RNGTT: variants seen among roughly 807,000 people sequenced by gnomAD.
RNGTT encodes the protein RNA guanylyltransferase and 5'-phosphatase, also known as mRNA-capping enzyme.
A neutral mutation model predicts 79.3 loss-of-function variants in RNGTT; 33 were observed. That is an observed-to-expected ratio of 0.42 (90% confidence interval 0.32 to 0.56). The LOEUF (loss-of-function observed/expected upper bound fraction) is 0.56. Ranked by LOEUF, RNGTT falls within the 20% of genes least tolerant of loss-of-function variation. The probability of loss-of-function intolerance (pLI) is 0.17; values close to 1 mark genes in which losing one functional copy is unlikely to be tolerated. For missense variants in RNGTT, 497 were observed against 739.1 expected, an observed-to-expected ratio of 0.67 and a Z score of 3.80; for synonymous variants, 222 against 235.9, an observed-to-expected ratio of 0.94 and a Z score of 0.54.
chr6:88,630,769 A>G (rs1293903935), intron 14 of RNGTT, among the ~76,000 whole-genome samples: 1 of 151,838 alleles, frequency 6.6e-6, no homozygotes, highest in Non-Finnish European at 1.5e-5. Context: ...ACTCATTCTT[A>G]GTTACATTTC....
At chr6:88,842,219 C>T (rs1421989467) in intron 11 of RNGTT, among the ~76,000 whole-genome samples, 1 of 151,934 alleles carries the variant, frequency 6.6e-6, no homozygotes, top group Non-Finnish European at 1.5e-5. Flanking sequence ...ACAGAAAACA[C>T]CATGTATAGT....
At chr6:88,694,164 G>A (rs952987698) in intron 13 of RNGTT, among the ~76,000 whole-genome samples, 2 of 151,994 alleles carry the variant, frequency 1.3e-5, no homozygotes, top group African/African-American at 4.8e-5. Context: ...TGAAATTGTC[G>A]ATACTTGCTG....
At chr6:88,852,794 A>G (rs185679082) in intron 9 of RNGTT, among the ~76,000 whole-genome samples, 175 of 152,296 alleles carry the variant, frequency 1.1e-3, no homozygotes, top group Admixed American at 2.0e-3. Context: ...GGTCTAGGAT[A>G]TGCTATTGGA....
chr6:88,698,049 C>T (rs1456094068), intron 13 of RNGTT, among the ~76,000 whole-genome samples: 1 of 74,662 alleles, frequency 1.3e-5, no homozygotes, highest in Non-Finnish European at 2.2e-5. Context: ...ATATGAAATA[C>T]ATATATATGA....
intron 11 of RNGTT, among the ~76,000 whole-genome samples, chr6:88,809,744 A>G (rs1780074158): frequency 2.0e-5 from 3 of 152,180 alleles, no homozygotes. Context: ...TGCATGAAAT[A>G]CCTAATTAAA....
chr6:88,924,279 A>T (rs1784251896), intron 4 of RNGTT, among the ~76,000 whole-genome samples: 1 of 152,178 alleles, frequency 6.6e-6, no homozygotes, highest in South Asian at 2.1e-4. Context: ...AGCTACCAGC[A>T]TGTACTTTAA....
intron 2 of RNGTT, among the ~76,000 whole-genome samples, chr6:88,930,172 A>G (rs529515461): frequency 3.4e-5 from 5 of 147,986 alleles, no homozygotes; most frequent in South Asian, 2.1e-4. Flanking sequence ...ATACATATAC[A>G]TATATGTATA....
intron 14 of RNGTT, among the ~76,000 whole-genome samples, chr6:88,674,950 T>C (rs1774805629): frequency 2.0e-5 from 3 of 151,584 alleles, no homozygotes; most frequent in Non-Finnish European, 2.9e-5. Flanking sequence ...TACAAAAAAT[T>C]AGCCAGGCGT....
chr6:88,691,177 G>C (rs1775465594), intron 13 of RNGTT, among the ~76,000 whole-genome samples: 1 of 152,100 alleles, frequency 6.6e-6, no homozygotes, highest in South Asian at 2.1e-4. Flanking sequence ...TCATAATAGT[G>C]AATGAGTTCT....
chr6:88,894,503 C>T (rs1271738211), intron 6 of RNGTT, among the ~76,000 whole-genome samples: 1 of 152,210 alleles, frequency 6.6e-6, no homozygotes, highest in African/African-American at 2.4e-5. Context: ...ACATAAACAG[C>T]TTAGTTTTCC....
At chr6:88,705,469 G>C (rs1031335280) in intron 13 of RNGTT, among the ~76,000 whole-genome samples, 3 of 152,042 alleles carry the variant, frequency 2.0e-5, no homozygotes, top group Non-Finnish European at 4.4e-5. Flanking sequence ...GTTCTGACAT[G>C]ATCTGAACAA....
chr6:88,932,736 G>A (rs1055759176), intron 2 of RNGTT, among the ~76,000 whole-genome samples: 8 of 152,128 alleles, frequency 5.3e-5, no homozygotes, highest in African/African-American at 1.9e-4. Context: ...CTGTTGAGCT[G>A]AAGAAGTTGA....
At chr6:88,708,741 T>C (rs942826046) in intron 13 of RNGTT, among the ~76,000 whole-genome samples, 4 of 152,094 alleles carry the variant, frequency 2.6e-5, no homozygotes, top group African/African-American at 9.7e-5. Context: ...AAAAATGGCA[T>C]TTATGCTATT....
intron 8 of RNGTT, among the ~76,000 whole-genome samples, chr6:88,884,617 T>C (rs1782797435): frequency 1.3e-5 from 2 of 152,294 alleles, no homozygotes; most frequent in Middle Eastern, 3.4e-3. Flanking sequence ...TGAATCATAG[T>C]AGAGTTTCAC....
At chr6:88,768,296 C>G (rs1251548920) in intron 13 of RNGTT, among the ~76,000 whole-genome samples, 1 of 151,888 alleles carries the variant, frequency 6.6e-6, no homozygotes, top group Admixed American at 6.6e-5. Flanking sequence ...GTTTTAGAAA[C>G]AGGGCCTCCT....
intron 11 of RNGTT, among the ~76,000 whole-genome samples, chr6:88,810,105 G>T (rs532054995): frequency 1.3e-5 from 2 of 152,138 alleles, no homozygotes; most frequent in African/African-American, 4.8e-5. Flanking sequence ...TAAGAAAAAG[G>T]TTACAAATCA....
chr6:88,889,389 G>C (rs1021848089), intron 8 of RNGTT, among the ~76,000 whole-genome samples: 2 of 152,102 alleles, frequency 1.3e-5, no homozygotes, highest in African/African-American at 4.8e-5. Context: ...AAAATAGGTT[G>C]TATCTGCTCC....
intron 11 of RNGTT, among the ~76,000 whole-genome samples, chr6:88,841,290 A>C (rs1341927644): frequency 6.6e-6 from 1 of 152,196 alleles, no homozygotes; most frequent in Non-Finnish European, 1.5e-5. Context: ...TGTTACACAA[A>C]ATCATAATAA....
Position 88,931,847 on chromosome 6 carries a change from G to A in RNGTT, c.175-2580C>T, listed in dbSNP as rs200651480. Among the ~76,000 whole-genome samples, 35 of 152,180 alleles carry A rather than the reference G, an allele frequency of 2.3e-4. No individual in the cohort carries two copies. In the East Asian group the frequency reaches 4.3e-3, roughly 18 times the overall value. On this transcript the variant is annotated intron_variant, in intron 2 of 15. Coordinates refer to ENST00000369485, the MANE Select transcript of RNGTT (RefSeq NM_003800.5). ...TTAATCTCTTAATCCCATCATCTTC[G>A]TAAGCTGAGGATGTATGTGGCCTCA...
Sources: gnomAD v4.1 joint callset for allele counts (sites outside exome capture counted in the v4.1 genomes callset) on GRCh38, gnomAD v4.1.1 for gene constraint, MANE v1.5 for transcripts, NCBI Gene and HGNC (gene_info 2026-07-23, HGNC 2026-07-21) for gene names.